Variants in NKTR observed in about 807,000 individuals in gnomAD.
The protein encoded by NKTR is NK-tumor recognition protein.
In NKTR, 67 loss-of-function variants were observed where a neutral mutation model predicts 156.3. The ratio of observed to expected loss-of-function variants is 0.43; its 90% CI spans 0.35 to 0.53. The LOEUF (loss-of-function observed/expected upper bound fraction) is 0.53, where lower values mean the gene tolerates loss of function less well. Among genes scored for constraint, NKTR ranks in the 20% least tolerant of loss-of-function variants. NKTR has a pLI of 0.01. For missense variants in NKTR, 1,604 were observed against 1,730.9 expected, an observed-to-expected ratio of 0.93 and a Z score of 1.30; for synonymous variants, 640 against 596.6, an observed-to-expected ratio of 1.07 and a Z score of -1.06.
chr3:42,638,376 C>T lies in NKTR; in HGVS notation c.2672C>T (p.Ser891Leu). The change falls in exon 13 of 17, where the codon TCA becomes TTA. Residue 891 changes from serine (S) to leucine (L), a missense_variant. Ser to Leu is a moderately radical substitution (Grantham distance 145). Coordinates refer to ENST00000232978, the MANE Select transcript of NKTR (RefSeq NM_005385.4). The part of the protein sequence containing the change: ...AGSKWDSESN[S>L]ERDVTKNSKN... ...AGTAAATGGGACTCTGAGTCAAATT[C>T]AGAACGAGATGTCACTAAAAACAGT... The T allele has an allele frequency of 6.2e-7, 1 of 1,613,924 alleles. No homozygotes were observed. Among genetic ancestry groups the T allele is most frequent in the East Asian group, 2.2e-5 (1 of 44,884 alleles).
intron 14 of NKTR, among the ~76,000 whole-genome samples, 179 bp downstream of exon 14, chr3:42,642,775 G>A (rs1181122114): frequency 6.6e-6 from 1 of 152,128 alleles, no homozygotes. Flanking sequence ...TTCCTCTGTT[G>A]GGATCTTATC....
At chr3:42,623,271 T>C (rs1708077554) in intron 6 of NKTR, among the ~76,000 whole-genome samples, 1 of 152,106 alleles carries the variant, frequency 6.6e-6, no homozygotes, top group Non-Finnish European at 1.5e-5. Flanking sequence ...TTTATACTTA[T>C]TTTCAAAGTT....
rs572875525 is a variant in NKTR, at chr3:42,609,594, A to G, written c.59-7976A>G. Among the ~76,000 whole-genome samples the G allele has an allele frequency of 5.3e-5, 8 of 152,322 alleles. No homozygotes were observed. The East Asian group carries it at 1.2e-3, about 22-fold the overall frequency. ...ATCATTTTGTCAAGTTCCCTCAGAAATCTCACTGGTATTTTTGAAGGTTGC... is the reference window on the plus strand; with the variant it reads ...ATCATTTTGTCAAGTTCCCTCAGAAGTCTCACTGGTATTTTTGAAGGTTGC... On this transcript the variant is annotated intron_variant, in intron 2 of 16. Transcript: ENST00000232978.
Position 42,600,769 on chromosome 3 carries a change from G to A in NKTR, c.-33G>A, listed in dbSNP as rs765839394. ...CTCACGGGGACCCGCTCAGGCTGGA[G>A]GCCAGCCAGGTGAAGAGCTCGCCCG... On this transcript the variant is annotated 5_prime_UTR_variant, in exon 1 of 17. Coordinates refer to ENST00000232978, the MANE Select transcript of NKTR (RefSeq NM_005385.4). 7.6e-4 allele frequency: 277 copies of A among 366,666 alleles called. 1 individual carries two copies. The highest frequency in any genetic ancestry group is 1.3e-3 in the Non-Finnish European group (257 of 203,186). 22.7% of individuals were successfully genotyped at this position (366,666 alleles called of 1,614,324 possible).
chr3:42,603,025 CAAA>C (rs35896209), intron 2 of NKTR: 16 of 102,714 alleles, frequency 1.6e-4, no homozygotes, highest in East Asian at 2.4e-4. Flanking sequence ...GACCCTGTCT[CAAA>C]AAAAAAAAAA....
intron 11 of NKTR, 151 bp from the exon 12 acceptor site, chr3:42,635,070 A>G (rs1709263583): frequency 2.1e-6 from 1 of 478,702 alleles, no homozygotes; most frequent in South Asian, 5.9e-5. Context: ...AAAAAAAAAA[A>G]AAAAAAAAGA....
In NKTR at chr3:42,635,287, C is replaced by A. The variant is rs1209433123; in HGVS notation, c.1084C>A (p.Pro362Thr). The A allele has an allele frequency of 3.7e-6, 6 of 1,611,984 alleles. No individual in the cohort carries two copies. Among genetic ancestry groups the A allele is most frequent in the East Asian group, 2.2e-5 (1 of 44,846 alleles). Residue 362 changes from proline (P) to threonine (T), a missense_variant, in exon 12 of 17, where the codon CCT (proline) becomes ACT (threonine). This residue lies in a region of NKTR where 1,255 missense variants were observed against 1,243.7 expected (regional missense o/e 1.01). Transcript: ENST00000232978. ...AGATGATGATGACAGCAGTGAAACTCCTCCTCACTGGAAAGAGGAAATGCA... is the reference window on the plus strand; with the variant it reads ...AGATGATGATGACAGCAGTGAAACTACTCCTCACTGGAAAGAGGAAATGCA... ...ESDDDDSSET[P>T]PHWKEEMQRL...
Position 42,643,341 on chromosome 3 carries a change from C to A in NKTR, c.4145C>A (p.Thr1382Lys), listed in dbSNP as rs764562548. Reference protein sequence around the residue: ...SSYRSYKSHRTSSRSRSRSSS... With the variant: ...SSYRSYKSHRKSSRSRSRSSS... Reference sequence around the variant, plus strand: ...GTCCTTCATGTGATTAATATTAGGACGTCCAGCAGGAGCAGATCCAGGAGC... The same window carrying A: ...GTCCTTCATGTGATTAATATTAGGAAGTCCAGCAGGAGCAGATCCAGGAGC... Residue 1382 changes from threonine (T) to lysine (K), a missense_variant and splice_region_variant, in exon 15 of 17, where the codon ACG (threonine) becomes AAG (lysine). By Grantham distance (78) the Thr-to-Lys change is moderately conservative. Coordinates refer to ENST00000232978, the MANE Select transcript of NKTR (RefSeq NM_005385.4). The A allele has an allele frequency of 1.9e-6, 3 of 1,613,660 alleles. No homozygotes were observed. Among genetic ancestry groups the A allele is most frequent in the Non-Finnish European group, 2.5e-6 (3 of 1,179,608 alleles).
At chr3:42,620,200 CTT>C in intron 5 of NKTR, 1 of 1,275,688 alleles carries the variant, frequency 7.8e-7, no homozygotes, top group South Asian at 3.0e-5. Context: ...GCTTCTGTAT[CTT>C]TTTTCATTTC....
intron 6 of NKTR, chr3:42,628,506 C>T (rs925468747): frequency 1.6e-5 from 16 of 985,228 alleles, no homozygotes; most frequent in Admixed American, 6.2e-5. Flanking sequence ...GCCTTTCTAT[C>T]AGCCAAGATG....
chr3:42,601,112 C>G (rs1705381087), intron 2 of NKTR, 48 bp downstream of exon 2: 19 of 1,478,246 alleles, frequency 1.3e-5, no homozygotes, highest in Non-Finnish European at 1.7e-5. Context: ...CCTGCCTTGG[C>G]GAAGGGGAGG....
In NKTR at chr3:42,633,883, C is replaced by T. The variant is rs556967611; in HGVS notation, c.929+148C>T. The T allele has an allele frequency of 1.1e-4, 95 of 831,612 alleles. No homozygotes were observed. In the South Asian group the frequency reaches 1.3e-3, roughly 11 times the overall value. 51.5% of individuals were successfully genotyped at this position (831,612 alleles called of 1,614,324 possible). A position where few individuals can be genotyped will look rare whatever the true frequency, so the allele number is the denominator to read the frequency against. On this transcript the variant is annotated intron_variant, in intron 10 of 16. Coordinates refer to ENST00000232978, the MANE Select transcript of NKTR (RefSeq NM_005385.4). ...GGGAGTATTAGATTAATGAATGATA[C>T]GTAGGAAATATGGGGGATACCAGAT... is the stretch of plus-strand genomic sequence containing the variant.
chr3:42,617,589 G>C lies in NKTR; in HGVS notation c.78G>C (p.Gln26His). 1 of 1,599,630 alleles carries C rather than the reference G, an allele frequency of 6.3e-7. No individual in the cohort carries two copies. Among genetic ancestry groups the C allele is most frequent in the Non-Finnish European group, 8.6e-7 (1 of 1,167,550 alleles). Reference protein sequence around the residue: ...NREPVGRIMFQLFSDICPKTC... With the variant: ...NREPVGRIMFHLFSDICPKTC... ...TTTCAGTTGGTCGCATTATGTTTCA[G>C]CTCTTCTCAGACATATGTCCAAAAA... Residue 26 changes from glutamine to histidine, a missense_variant, in exon 3 of 17, where the codon CAG becomes CAC. This residue lies in a region of NKTR where 73 missense variants were observed against 90.7 expected (regional missense o/e 0.80). Coordinates refer to ENST00000232978, the MANE Select transcript of NKTR (RefSeq NM_005385.4).
At position 42,601,083 on chromosome 3, in the gene NKTR, A is replaced by C. The variant is rs763889406; in HGVS notation, c.58+19A>C. 1 of 1,549,856 alleles carries C rather than the reference A, an allele frequency of 6.5e-7. No homozygotes were observed. The highest frequency in any genetic ancestry group is 8.7e-7 in the Non-Finnish European group (1 of 1,150,050). On this transcript the variant is annotated intron_variant, in intron 2 of 16. Coordinates refer to ENST00000232978, the MANE Select transcript of NKTR (RefSeq NM_005385.4). ...GAGCCGGGTGAGCTGGAAACTGGGG[A>C]GCGCTGCTGGGGCCGAGGCCTGCCT...
At position 42,638,161 on chromosome 3, in the gene NKTR, A is replaced by T; in HGVS notation, c.2457A>T (p.Thr819=). 6.2e-7 allele frequency: 1 copy of T among 1,613,072 alleles called. No homozygotes were observed. Among genetic ancestry groups the T allele is most frequent in the Non-Finnish European group, 8.5e-7 (1 of 1,179,802 alleles). Residue 819 remains threonine (T), a synonymous_variant, in exon 13 of 17, where the codon ACA becomes ACT. Coordinates refer to ENST00000232978, the MANE Select transcript of NKTR (RefSeq NM_005385.4). ...SDSEQSSVQA[T]QSAQEKEKQG... is the part of the protein sequence containing the mutation. ...GTGAGCAGTCAAGTGTTCAGGCCAC[A>T]CAGTCAGCCCAGGAAAAAGAGAAGC...
chr3:42,609,142 GAAGA>G (rs1706529921), intron 2 of NKTR, among the ~76,000 whole-genome samples: 1 of 149,574 alleles, frequency 6.7e-6, no homozygotes, highest in African/African-American at 2.5e-5. Flanking sequence ...AAAAAAAAAA[GAAGA>G]AAGATCAAAT....
Position 42,619,139 on chromosome 3 carries a change from AG to A in NKTR, c.241+13del. On this transcript the variant is annotated intron_variant, in intron 4 of 16. Coordinates refer to ENST00000232978, the MANE Select transcript of NKTR (RefSeq NM_005385.4). ...GGACTTCAGTGAAGGTAGAGCTAAA[AG>A]TTGTGTTCCTAATAACTCCATCTAT... The A allele has an allele frequency of 6.3e-7, 1 of 1,595,072 alleles. No individual in the cohort carries two copies. Among genetic ancestry groups the A allele is most frequent in the South Asian group, 1.2e-5 (1 of 86,810 alleles).
intron 6 of NKTR, among the ~76,000 whole-genome samples, chr3:42,622,097 A>G (rs889487141): frequency 6.6e-6 from 1 of 152,084 alleles, no homozygotes; most frequent in African/African-American, 2.4e-5. Flanking sequence ...TGTTGCTGTC[A>G]TTTCCACCAA....
chr3:42,644,148 C>G, intron 16 of NKTR, 145 bp downstream of exon 16: 1 of 541,282 alleles, frequency 1.8e-6, no homozygotes, highest in East Asian at 3.1e-5. Context: ...TCTGAACAAC[C>G]CACAAGCAGC....
Sources: gnomAD v4.1 joint callset for allele counts (sites outside exome capture counted in the v4.1 genomes callset) on GRCh38, gnomAD v4.1.1 for gene constraint, gnomAD v4.1.1 regional missense constraint, MANE v1.5 for transcripts, NCBI Gene and HGNC (gene_info 2026-07-23, HGNC 2026-07-21) for gene names.